ATG2B: variants seen among roughly 807,000 people sequenced by gnomAD.
ATG2B encodes autophagy-related protein 2 homolog B.
ATG2B carries 121 observed loss-of-function variants against 241.3 expected under a neutral mutation model. That is an observed-to-expected ratio of 0.50 (90% CI 0.43 to 0.58). The LOEUF (loss-of-function observed/expected upper bound fraction) is 0.58, where lower values mean the gene tolerates loss of function less well. ATG2B is among the 20% of genes least tolerant of loss of function. The pLI is 0.00. For missense variants in ATG2B, 2,306 were observed against 2,491.6 expected, an observed-to-expected ratio of 0.93 and a Z score of 1.59; for synonymous variants, 858 against 876.6, an observed-to-expected ratio of 0.98 and a Z score of 0.37.
intron 33 of ATG2B, among the ~76,000 whole-genome samples, chr14:96,302,823 A>T (rs2139847661): frequency 6.6e-6 from 1 of 152,320 alleles, no homozygotes; most frequent in East Asian, 1.9e-4. Context: ...ATCACTAGGG[A>T]CTTCTACTTT....
chr14:96,328,524 T>C lies in ATG2B; in HGVS notation c.1986A>G (p.Ala662=). Residue 662 remains alanine, a synonymous_variant, in exon 14 of 42, where the codon GCA becomes GCG. Coordinates refer to ENST00000359933, the MANE Select transcript of ATG2B (RefSeq NM_018036.7). ...SENRGPQGNQ[A]RLSSVPHKAE... ...CCTTGTGAGGAACTGAACTAAGTCT[T>C]GCTTGATTACCCTTTTAAAAAAAAA... 6.3e-7 allele frequency: 1 copy of C among 1,599,094 alleles called. No individual in the cohort carries two copies. The highest frequency in any genetic ancestry group is 1.1e-5 in the South Asian group (1 of 88,194).
chr14:96,315,310 AAT>A, intron 22 of ATG2B, 72 bp downstream of exon 22: 1 of 1,584,792 alleles, frequency 6.3e-7, no homozygotes, highest in South Asian at 1.1e-5. Context: ...CAAGAAAATA[AAT>A]ATGTTGCCTT....
chr14:96,309,496 G>A lies in ATG2B; in HGVS notation c.4260C>T (p.Ile1420=), dbSNP rs750080173. 3.7e-6 allele frequency: 6 copies of A among 1,613,894 alleles called. No homozygotes were observed. Among genetic ancestry groups the A allele is most frequent in the East Asian group, 4.5e-5 (2 of 44,880 alleles). Residue 1420 remains isoleucine, a synonymous_variant, in exon 29 of 42, where the codon ATC becomes ATT. Coordinates refer to ENST00000359933, the MANE Select transcript of ATG2B (RefSeq NM_018036.7). ...RDLMSDAMEE[I]DMQQGTSSVK... The stretch of plus-strand genomic sequence containing the variant: ...CTGACGAGGTGCCTTGTTGCATGTC[G>A]ATCTCCTCCATAGCATCACTCATCA...
chr14:96,308,253 C>CATATATATAT (rs1309788039), intron 29 of ATG2B, among the ~76,000 whole-genome samples: 15 of 36,420 alleles, frequency 4.1e-4, no homozygotes, highest in South Asian at 1.0e-3. Context: ...TATATATATA[C>CATATATATAT]ACACATATAT....
rs773463209 is a variant in ATG2B at position 96,306,905 on chromosome 14, C to T, written c.4315G>A (p.Glu1439Lys). Residue 1439 changes from glutamate (E) to lysine (K), a missense_variant, in exon 30 of 42, where the codon GAA becomes AAA. Glu to Lys is a moderately conservative substitution (Grantham distance 56). This residue lies in a region of ATG2B where 1,927 missense variants were observed against 2,011.2 expected (regional missense o/e 0.96). Coordinates refer to ENST00000359933, the MANE Select transcript of ATG2B (RefSeq NM_018036.7). ...CATGGCTCCTGAATTTGAGATTTTTCATCCAAAACACCTAGATAAAAAGAT... is the reference window on the plus strand; with the variant it reads ...CATGGCTCCTGAATTTGAGATTTTTTATCCAAAACACCTAGATAAAAAGAT... ...VKPQANGVLD[E>K]KSQIQEPCCS... The T allele has an allele frequency of 6.2e-7, 1 of 1,612,536 alleles. No individual in the cohort carries two copies. The highest frequency in any genetic ancestry group is 8.5e-7 in the Non-Finnish European group (1 of 1,179,630).
chr14:96,314,017 T>A (rs1887235595), intron 23 of ATG2B, among the ~76,000 whole-genome samples: 2 of 152,174 alleles, frequency 1.3e-5, no homozygotes, highest in African/African-American at 4.8e-5. Flanking sequence ...CCTAGCTCAG[T>A]CTAAAAACCA....
chr14:96,344,755 T>C lies in ATG2B; in HGVS notation c.480A>G (p.Val160=). Residue 160 remains valine, a splice_region_variant and synonymous_variant, in exon 4 of 42, where the codon GTA becomes GTG. Coordinates refer to ENST00000359933, the MANE Select transcript of ATG2B (RefSeq NM_018036.7). The part of the protein sequence containing the change: ...LEKFAETIET[V]LRRVKVTFID... ...TAAAAGTGACTTTTACTCTTCTTAGTACTAAAGTAAACAAGTAATTGTCAA... is the reference window on the plus strand; with the variant it reads ...TAAAAGTGACTTTTACTCTTCTTAGCACTAAAGTAAACAAGTAATTGTCAA... 6.8e-7 allele frequency: 1 copy of C among 1,480,682 alleles called. No homozygotes were observed. The allele number at this position is 1,480,682 out of a possible 1,614,324, so 91.7% of individuals were successfully genotyped here. A position where few individuals can be genotyped will look rare whatever the true frequency, so the allele number is the denominator to read the frequency against.
intron 26 of ATG2B, among the ~76,000 whole-genome samples, chr14:96,311,862 G>A (rs1441123635): frequency 6.6e-6 from 1 of 151,946 alleles, no homozygotes; most frequent in African/African-American, 2.4e-5. Context: ...TACTTAACTA[G>A]CATTATAAGA....
rs187517825 is a variant in ATG2B at position 96,316,957 on chromosome 14, G to C, written c.3210+188C>G. ...TTTTCCAAAGGGAGAGCCCCACAAA[G>C]TTTGATCTGCAACGAAAGCTAAATC... On this transcript the variant is annotated intron_variant, in intron 20 of 41. Coordinates refer to ENST00000359933, the MANE Select transcript of ATG2B (RefSeq NM_018036.7). Among the ~76,000 whole-genome samples the C allele has an allele frequency of 3.9e-3, 587 of 152,284 alleles. 6 individuals carry two copies. Among genetic ancestry groups the C allele is most frequent in the African/African-American group, 0.013 (542 of 41,564 alleles).
At chr14:96,298,884 T>C (rs541805363) in intron 34 of ATG2B, among the ~76,000 whole-genome samples, 22 of 152,116 alleles carry the variant, frequency 1.4e-4, no homozygotes, top group South Asian at 1.2e-3. Flanking sequence ...AAGCTGTGCA[T>C]TTTAGTGTAT....
At chr14:96,315,129 A>T in intron 23 of ATG2B, 25 bp downstream of exon 23, 1 of 1,567,612 alleles carries the variant, frequency 6.4e-7, no homozygotes. Context: ...TAAATAAATT[A>T]ATACATATAT....
At chr14:96,312,648 G>A (rs1595305403) in intron 25 of ATG2B, among the ~76,000 whole-genome samples, 4 of 152,136 alleles carry the variant, frequency 2.6e-5, no homozygotes, top group Middle Eastern at 6.8e-3. Flanking sequence ...TACTCAGTAG[G>A]GTGAGGGCAA....
Position 96,290,158 on chromosome 14 carries a change from C to T in ATG2B, c.5856+278G>A. 1 of 1,257,340 alleles carries T rather than the reference C, an allele frequency of 8.0e-7. No homozygotes were observed. Among genetic ancestry groups the T allele is most frequent in the South Asian group, 2.2e-5 (1 of 44,668 alleles). 77.9% of individuals were successfully genotyped at this position (1,257,340 alleles called of 1,614,324 possible). The stretch of plus-strand genomic sequence containing the variant: ...GCCTTCTTCAAATTTAGCTACGATC[C>T]TTTCATACAAATATGGTGAAATCAA... On this transcript the variant is annotated intron_variant, in intron 40 of 41. Transcript: ENST00000359933. The surrounding 1 kb of genome is among the most constrained non-coding windows in gnomAD (Gnocchi z 4.4).
At chr14:96,291,772 A>T in intron 37 of ATG2B, 90 bp from the exon 38 acceptor site, 1 of 944,008 alleles carries the variant, frequency 1.1e-6, no homozygotes, top group South Asian at 1.6e-5. Flanking sequence ...TCAAAGCAGT[A>T]GTCATTATTG....
intron 34 of ATG2B, among the ~76,000 whole-genome samples, chr14:96,298,440 A>C (rs1336893181): frequency 6.6e-6 from 1 of 152,218 alleles, no homozygotes; most frequent in Admixed American, 6.5e-5. Flanking sequence ...TTATTCAACC[A>C]AGAGAAGTGA....
At chr14:96,291,055 T>A in intron 38 of ATG2B, 120 bp from the exon 39 acceptor site, 1 of 810,462 alleles carries the variant, frequency 1.2e-6, no homozygotes, top group South Asian at 2.2e-5. Context: ...ATATTACAGG[T>A]GCTTCAAAAA....
At position 96,317,915 on chromosome 14, in the gene ATG2B, TA is replaced by T. The variant is rs562352256; in HGVS notation, c.2880-61del. ...CTCCTAGTTCAACAGAAGGCAAACT[TA>T]AAAAAAAATCCTTTTAAAAGATCGT... On this transcript the variant is annotated intron_variant, in intron 18 of 41. Coordinates refer to ENST00000359933, the MANE Select transcript of ATG2B (RefSeq NM_018036.7). 1,287 of 1,226,042 alleles carry T rather than the reference TA, an allele frequency of 1.0e-3. 7 individuals are homozygous for T. Among genetic ancestry groups the T allele is most frequent in the East Asian group, 9.5e-3 (376 of 39,446 alleles). The allele number at this position is 1,226,042 out of a possible 1,614,324, so 75.9% of individuals were successfully genotyped here.
Position 96,358,604 on chromosome 14 carries a change from A to G in ATG2B, c.162+4211T>C, listed in dbSNP as rs191759126. Among the ~76,000 whole-genome samples, 595 of 152,294 alleles carry G rather than the reference A, an allele frequency of 3.9e-3. 6 individuals carry two copies. Among genetic ancestry groups the G allele is most frequent in the African/African-American group, 0.013 (542 of 41,564 alleles). On this transcript the variant is annotated intron_variant, in intron 1 of 41. Transcript: ENST00000359933. Reference sequence around the variant, plus strand: ...TATAACCACTTGAGCAAAATCCCATATATCTTGTAGCATAAGGTACCTTGA... The same window carrying G: ...TATAACCACTTGAGCAAAATCCCATGTATCTTGTAGCATAAGGTACCTTGA...
chr14:96,343,263 T>G lies in ATG2B; in HGVS notation c.600A>C (p.Glu200Asp). The G allele has an allele frequency of 6.2e-7, 1 of 1,605,838 alleles. No individual in the cohort carries two copies. The highest frequency in any genetic ancestry group is 1.3e-5 in the African/African-American group (1 of 74,526). Residue 200 changes from glutamate (E) to aspartate (D), a missense_variant, in exon 5 of 42, where the codon GAA (glutamate) becomes GAC (aspartate). Coordinates refer to ENST00000359933, the MANE Select transcript of ATG2B (RefSeq NM_018036.7). Reference protein sequence around the residue: ...IRIERTVYCDETADESSGINV... With the variant: ...IRIERTVYCDDTADESSGINV... The stretch of plus-strand genomic sequence containing the variant: ...TAATTCCTGAGGATTCGTCAGCAGT[T>G]TCATCACAGTACACAGTTCTGAAAT...
Sources: gnomAD v4.1 joint callset for allele counts (sites outside exome capture counted in the v4.1 genomes callset) on GRCh38, gnomAD v4.1.1 for gene constraint, gnomAD v4.1.1 regional missense constraint, Gnocchi (gnomAD v3.1) non-coding constraint, MANE v1.5 for transcripts, NCBI Gene and HGNC (gene_info 2026-07-23, HGNC 2026-07-21) for gene names.